The following ABCA13 variants were observed in gnomAD, a reference collection of about 807,000 sequenced individuals.
ABCA13 encodes ATP binding cassette subfamily A member 13, also known as ATP-binding cassette sub-family A member 13.
Under a neutral mutation model 478.7 loss-of-function variants are expected in ABCA13, and 476 were observed. The ratio of observed to expected loss-of-function variants is 0.99; its 90% CI spans 0.92 to 1.07. ABCA13 has a LOEUF of 1.07. ABCA13 is among the 50% of genes least tolerant of loss of function. ABCA13 has a pLI of 0.00. For synonymous variants in ABCA13, 2,252 were observed against 2,158.9 expected, an observed-to-expected ratio of 1.04 and a Z score of -1.20; for missense variants, 6,060 against 5,910.6, an observed-to-expected ratio of 1.03 and a Z score of -0.83.
intron 33 of ABCA13, among the ~76,000 whole-genome samples, chr7:48,372,906 T>C (rs758499310): frequency 6.6e-6 from 1 of 152,232 alleles, no homozygotes; most frequent in Non-Finnish European, 1.5e-5. Context: ...CTGTTAGCAA[T>C]GTCAGAGTCA....
intron 56 of ABCA13, among the ~76,000 whole-genome samples, chr7:48,583,557 C>A (rs974056105): frequency 3.9e-5 from 6 of 152,302 alleles, no homozygotes; most frequent in East Asian, 3.9e-4. Context: ...CTGGGGATTT[C>A]CATCCCAGTG....
intron 41 of ABCA13, among the ~76,000 whole-genome samples, chr7:48,422,491 C>T (rs1167653510): frequency 6.6e-6 from 1 of 152,168 alleles, no homozygotes; most frequent in Non-Finnish European, 1.5e-5. Context: ...TACGAATAAG[C>T]AAACTGAGAG....
intron 55 of ABCA13, among the ~76,000 whole-genome samples, chr7:48,570,950 T>C (rs1230977402): frequency 7.5e-6 from 1 of 132,474 alleles, no homozygotes; most frequent in Non-Finnish European, 1.7e-5. Flanking sequence ...CCTTATTGTG[T>C]TTTTTTGCTA....
In ABCA13 at chr7:48,427,868, T is replaced by C. The variant is rs1242464731; in HGVS notation, c.12562T>C (p.Tyr4188His). 2 of 1,588,064 alleles carry C rather than the reference T, an allele frequency of 1.3e-6. No individual in the cohort carries two copies. The highest frequency in any genetic ancestry group is 8.6e-7 in the Non-Finnish European group (1 of 1,167,236). ...CAGGCCTACAGGACATCTGTCTGGC[T>C]ACTGTAAGTACAGAATGGCTTCCTG... ...NHRPTGHLSG[Y>H]CGSLARPATV... The change falls in exon 42 of 62, where the codon TAC becomes CAC. Residue 4188 changes from tyrosine (Y) to histidine (H), a missense_variant. Tyr to His is a moderately conservative substitution (Grantham distance 83). Transcript: ENST00000435803.
intron 55 of ABCA13, among the ~76,000 whole-genome samples, chr7:48,543,856 A>G (rs994574686): frequency 6.8e-6 from 1 of 146,648 alleles, no homozygotes; most frequent in African/African-American, 2.6e-5. Flanking sequence ...TATCTTTGGA[A>G]TATAAATCAT....
At chr7:48,199,495 G>C (rs967936717) in intron 3 of ABCA13, among the ~76,000 whole-genome samples, 1 of 152,080 alleles carries the variant, frequency 6.6e-6, no homozygotes, top group Non-Finnish European at 1.5e-5. Context: ...ATTCACGAAG[G>C]CTCTGTCCTC....
At chr7:48,540,500 A>G (rs944649623) in intron 55 of ABCA13, among the ~76,000 whole-genome samples, 4 of 152,124 alleles carry the variant, frequency 2.6e-5, no homozygotes, top group African/African-American at 9.6e-5. Context: ...TTAATTGCAC[A>G]TTGGTATTCA....
intron 35 of ABCA13, among the ~76,000 whole-genome samples, chr7:48,382,256 C>G (rs560515574): frequency 6.6e-6 from 1 of 152,276 alleles, no homozygotes; most frequent in African/African-American, 2.4e-5. Context: ...ATCCTACCTG[C>G]ATGTTGACAC....
Position 48,317,255 on chromosome 7 carries a change from T to C in ABCA13, c.9958T>C (p.Tyr3320His), listed in dbSNP as rs1802729611. ...ACCCATATTGCATGGAAAAATACTA[T>C]ACACACCAAACACTCCAGAAATTAA... ...LKPILHGKIL[Y>H]TPNTPEINKV... Residue 3320 changes from tyrosine to histidine, a missense_variant, in exon 27 of 62, where the codon TAC becomes CAC. Tyr to His is a moderately conservative substitution (Grantham distance 83). Transcript: ENST00000435803. 6 of 1,613,512 alleles carry C rather than the reference T, an allele frequency of 3.7e-6. No individual in the cohort carries two copies. In the East Asian group the frequency reaches 1.3e-4, roughly 36 times the overall value.
At chr7:48,368,011 C>T in intron 32 of ABCA13, 103 bp downstream of exon 32, 1 of 796,320 alleles carries the variant, frequency 1.3e-6, no homozygotes, top group East Asian at 2.8e-5. Context: ...TGTTTTGCTT[C>T]CCTCTCCTCT....
chr7:48,181,049 G>A (rs1194449703), intron 1 of ABCA13, among the ~76,000 whole-genome samples: 2 of 152,194 alleles, frequency 1.3e-5, no homozygotes, highest in African/African-American at 4.8e-5. Flanking sequence ...ACTCTTTTTA[G>A]TTTCGTTCCA....
intron 20 of ABCA13, among the ~76,000 whole-genome samples, chr7:48,291,902 C>A (rs1297771166): frequency 6.6e-6 from 1 of 152,124 alleles, no homozygotes; most frequent in African/African-American, 2.4e-5. Context: ...CAGCTCCCGG[C>A]ACTTTCCCTG....
chr7:48,281,577 G>A (rs755390523), intron 19 of ABCA13, 125 bp downstream of exon 19: 1 of 842,980 alleles, frequency 1.2e-6, no homozygotes, highest in Non-Finnish European at 1.8e-6. Context: ...GTCTTAGTCT[G>A]GCAACCAGGC....
intron 43 of ABCA13, among the ~76,000 whole-genome samples, chr7:48,459,718 G>A (rs200555019): frequency 0.19 from 28,482 of 151,962 alleles, 3,061 homozygotes; most frequent in African/African-American, 0.29. Flanking sequence ...GTCTATAAAT[G>A]ATTACTTTCA....
intron 6 of ABCA13, 36 bp from the exon 7 acceptor site, chr7:48,229,789 C>T (rs1391577890): frequency 6.2e-7 from 1 of 1,611,896 alleles, no homozygotes; most frequent in East Asian, 2.2e-5. Context: ...TGCTAACTAC[C>T]CACTCATATT....
chr7:48,300,554 T>A (rs964863779), intron 23 of ABCA13, among the ~76,000 whole-genome samples: 12 of 152,240 alleles, frequency 7.9e-5, no homozygotes, highest in Admixed American at 4.6e-4. Flanking sequence ...ACTGGAATGA[T>A]GATCTGCATA....
intron 59 of ABCA13, among the ~76,000 whole-genome samples, chr7:48,623,648 C>T (rs1586019012): frequency 6.6e-6 from 1 of 152,124 alleles, no homozygotes; most frequent in East Asian, 1.9e-4. Context: ...TATATATGTT[C>T]TAGGCAACAA....
intron 38 of ABCA13, 138 bp downstream of exon 38, chr7:48,392,277 A>G (rs1358291429): frequency 4.8e-6 from 4 of 835,776 alleles, no homozygotes; most frequent in South Asian, 3.5e-5. Context: ...GTTGTTAACT[A>G]TGGAATTATG....
intron 43 of ABCA13, among the ~76,000 whole-genome samples, chr7:48,465,318 A>C (rs1355488052): frequency 6.6e-6 from 1 of 152,178 alleles, no homozygotes; most frequent in Non-Finnish European, 1.5e-5. Flanking sequence ...CCTAATGAGA[A>C]GTTTCTTCTC....
Sources: allele counts gnomAD v4.1 joint callset (sites outside exome capture counted in the v4.1 genomes callset), GRCh38; gene constraint gnomAD v4.1.1; transcripts MANE v1.5; gene names NCBI Gene and HGNC (gene_info 2026-07-23, HGNC 2026-07-21).